SCHIP1: variants seen among roughly 807,000 people sequenced by gnomAD.
SCHIP1 encodes schwannomin-interacting protein 1.
A neutral mutation model predicts 29.7 loss-of-function variants in SCHIP1; 8 were observed. That is an observed-to-expected ratio of 0.27 (90% CI 0.16 to 0.49). The LOEUF is 0.49. Ranked by LOEUF, SCHIP1 falls within the 20% of genes least tolerant of loss-of-function variation. SCHIP1 has a pLI of 0.99. For synonymous variants in SCHIP1, 76 were observed against 94.9 expected, an observed-to-expected ratio of 0.80 and a Z score of 1.16; for missense variants, 193 against 294.6, an observed-to-expected ratio of 0.66 and a Z score of 2.52.
chr3:159,309,178 A>G, the SCHIP1 span: 1 of 237,762 alleles, frequency 4.2e-6, no homozygotes, highest in African/African-American at 2.3e-5. Context: ...ACAAAATAAC[A>G]TAAATATACT....
chr3:159,528,195 T>C, the SCHIP1 span, among the ~76,000 whole-genome samples: 1 of 152,214 alleles, frequency 6.6e-6, no homozygotes, highest in Admixed American at 6.5e-5. Flanking sequence ...AAAGAACACC[T>C]GGGTAACTTT....
the SCHIP1 span, among the ~76,000 whole-genome samples, chr3:159,357,823 G>A: frequency 1.3e-5 from 2 of 152,128 alleles, no homozygotes; most frequent in Non-Finnish European, 2.9e-5. Context: ...ATATAACACA[G>A]CCACTCCCCT....
chr3:159,574,319 T>C, the SCHIP1 span, among the ~76,000 whole-genome samples: 4 of 152,238 alleles, frequency 2.6e-5, no homozygotes, highest in African/African-American at 7.2e-5. Context: ...TTTTTGTTGA[T>C]GTTGATGCTA....
chr3:159,781,635 A>G, the SCHIP1 span, among the ~76,000 whole-genome samples: 1 of 152,220 alleles, frequency 6.6e-6, no homozygotes. Flanking sequence ...TGTGTTAGGT[A>G]TGGAGTACAG....
the SCHIP1 span, among the ~76,000 whole-genome samples, chr3:159,332,682 A>G: frequency 6.6e-6 from 1 of 152,124 alleles, no homozygotes; most frequent in African/African-American, 2.4e-5. Context: ...ATGAATATCC[A>G]TGGTTAGTTT....
the SCHIP1 span, among the ~76,000 whole-genome samples, chr3:159,554,006 G>A: frequency 8.3e-6 from 1 of 120,772 alleles, no homozygotes; most frequent in Non-Finnish European, 1.6e-5. Flanking sequence ...GTGTGTGTGT[G>A]TGTGTGTGTG....
the SCHIP1 span, among the ~76,000 whole-genome samples, chr3:159,643,140 A>G: frequency 4.1e-4 from 63 of 152,230 alleles, no homozygotes; most frequent in Admixed American, 9.2e-4. Flanking sequence ...TCAAGATTTA[A>G]TGAAGCAACA....
the SCHIP1 span, among the ~76,000 whole-genome samples, chr3:159,394,639 C>A: frequency 6.6e-6 from 1 of 151,890 alleles, no homozygotes; most frequent in African/African-American, 2.4e-5. Flanking sequence ...GTATATTGAA[C>A]CAGCCTTGCA....
the SCHIP1 span, among the ~76,000 whole-genome samples, chr3:159,555,941 T>G: frequency 2.0e-5 from 3 of 152,000 alleles, no homozygotes; most frequent in Non-Finnish European, 4.4e-5. Context: ...AGGGGAGGGA[T>G]AGCATTAGGA....
At chr3:159,843,344 A>G (rs1302863454) in intron 1 of SCHIP1, among the ~76,000 whole-genome samples, 1 of 151,494 alleles carries the variant, frequency 6.6e-6, no homozygotes, top group Non-Finnish European at 1.5e-5. Context: ...ATTTATTTTT[A>G]TATTTATTTA....
chr3:159,493,508 C>T, the SCHIP1 span, among the ~76,000 whole-genome samples: 1 of 151,864 alleles, frequency 6.6e-6, no homozygotes, highest in African/African-American at 2.4e-5. Flanking sequence ...ACAAAGAAGG[C>T]CATTACATAA....
chr3:159,295,575 C>T, the SCHIP1 span, among the ~76,000 whole-genome samples: 2 of 152,188 alleles, frequency 1.3e-5, no homozygotes, highest in Admixed American at 6.5e-5. Flanking sequence ...AGCATCCTCT[C>T]TCATCCCTGC....
the SCHIP1 span, among the ~76,000 whole-genome samples, chr3:159,651,347 T>C: frequency 4.6e-5 from 7 of 151,992 alleles, no homozygotes; most frequent in Non-Finnish European, 1.0e-4. Flanking sequence ...AGCAAGGAAG[T>C]TTTTTTTAGT....
chr3:159,597,140 C>G, the SCHIP1 span, among the ~76,000 whole-genome samples: 2 of 151,874 alleles, frequency 1.3e-5, no homozygotes, highest in Non-Finnish European at 2.9e-5. Context: ...GGCATGCATA[C>G]CATATAAATT....
the SCHIP1 span, among the ~76,000 whole-genome samples, chr3:159,425,043 A>G: frequency 4.0e-5 from 6 of 151,886 alleles, no homozygotes; most frequent in African/African-American, 9.7e-5. Flanking sequence ...TGAAGGAAGC[A>G]CTAAACATGG....
the SCHIP1 span, among the ~76,000 whole-genome samples, chr3:159,315,829 T>A: frequency 4.3e-4 from 65 of 151,134 alleles, no homozygotes; most frequent in Admixed American, 1.6e-3. Context: ...CTCCAACTTA[T>A]GACATGTTAG....
At chr3:159,306,940 C>G in the SCHIP1 span, among the ~76,000 whole-genome samples, 2 of 151,956 alleles carry the variant, frequency 1.3e-5, no homozygotes, top group African/African-American at 4.8e-5. Flanking sequence ...TGTTTATATC[C>G]CTTGACAAAA....
the SCHIP1 span, among the ~76,000 whole-genome samples, chr3:159,715,995 A>G: frequency 6.6e-6 from 1 of 152,236 alleles, no homozygotes; most frequent in East Asian, 1.9e-4. Flanking sequence ...AAGGGCAGCC[A>G]GAGAGAAAGG....
chr3:159,479,507 C>G, the SCHIP1 span, among the ~76,000 whole-genome samples: 1 of 152,120 alleles, frequency 6.6e-6, no homozygotes, highest in Non-Finnish European at 1.5e-5. Context: ...CACATACGGT[C>G]AGATCAAAAC....
Sources: gnomAD v4.1 joint callset for allele counts (sites outside exome capture counted in the v4.1 genomes callset) on GRCh38, gnomAD v4.1.1 for gene constraint, MANE v1.5 for transcripts, NCBI Gene and HGNC (gene_info 2026-07-23, HGNC 2026-07-21) for gene names.